TMC5: variants seen among roughly 807,000 people sequenced by gnomAD.
TMC5 encodes transmembrane channel-like protein 5.
A neutral mutation model predicts 110.5 loss-of-function variants in TMC5; 86 were observed. The observed-to-expected ratio is 0.78, with a 90% CI of 0.65 to 0.93. The LOEUF (loss-of-function observed/expected upper bound fraction) is 0.93, where lower values mean the gene tolerates loss of function less well. Ranked by LOEUF, TMC5 falls within the 40% of genes least tolerant of loss-of-function variation. The pLI, the probability that TMC5 is intolerant of heterozygous loss-of-function variation, is 0.00. For missense variants in TMC5, 1,144 were observed against 1,222.8 expected (o/e 0.94, Z 0.96); for synonymous variants, 455 against 439.5 (o/e 1.04, Z -0.44).
intron 3 of TMC5, 40 bp downstream of exon 3, chr16:19,440,866 T>C (rs1244793433): frequency 6.4e-7 from 1 of 1,571,726 alleles, no homozygotes; most frequent in Admixed American, 1.8e-5. Context: ...GAGTGGATGC[T>C]GAGTGCTGAA....
intron 12 of TMC5, among the ~76,000 whole-genome samples, chr16:19,474,542 G>A (rs1168991227): frequency 6.6e-6 from 1 of 152,022 alleles, no homozygotes; most frequent in East Asian, 1.9e-4. Flanking sequence ...TGGATGCAGT[G>A]GCATGCACCT....
chr16:19,466,942 C>A (rs1377006732), intron 9 of TMC5, among the ~76,000 whole-genome samples: 1 of 152,042 alleles, frequency 6.6e-6, no homozygotes, highest in South Asian at 2.1e-4. Flanking sequence ...TCCAGGAGTT[C>A]GAGACTGGAC....
intron 18 of TMC5, among the ~76,000 whole-genome samples, chr16:19,490,888 TCTTTCTCCCTTCCCCTCCCTTCCCTTCC>T (rs1308200155): frequency 1.4e-4 from 18 of 128,396 alleles, no homozygotes; most frequent in South Asian, 5.4e-4. Flanking sequence ...CTTCCTTCCT[TCTTTCTCCCTTCCCCTCCCTTCCCTTCC>T]CCTTCTTTCT....
chr16:19,415,562 A>G (rs1966872634), upstream of TMC5, among the ~76,000 whole-genome samples: 1 of 152,170 alleles, frequency 6.6e-6, no homozygotes, highest in Non-Finnish European at 1.5e-5. Flanking sequence ...CAGTACTGCC[A>G]AGGTTGAGAA....
rs1158209907 is a variant in TMC5, at chr16:19,479,504, C to G, written c.2243C>G (p.Ser748Cys). The G allele has an allele frequency of 6.2e-7, 1 of 1,613,814 alleles. No homozygotes were observed. The highest frequency in any genetic ancestry group is 8.5e-7 in the Non-Finnish European group (1 of 1,179,754). ...GATTTTGTGTTCTCTTTAGTCAATT[C>G]CTTCCTGGGGGAGTTTCTGAGGAGG... The part of the protein sequence containing the change: ...LMDFVFSLVN[S>C]FLGEFLRRII... The change falls in exon 14 of 22, where the codon TCC (serine) becomes TGC (cysteine). Residue 748 changes from serine to cysteine, a missense_variant. Transcript: ENST00000542583.
chr16:19,414,087 A>T (rs1194165529), upstream of TMC5, among the ~76,000 whole-genome samples: 2 of 152,210 alleles, frequency 1.3e-5, no homozygotes, highest in Non-Finnish European at 2.9e-5. Flanking sequence ...AATGACATAG[A>T]ACTATCCTTC....
At chr16:19,449,151 A>G (rs1336578785) in intron 4 of TMC5, among the ~76,000 whole-genome samples, 1 of 152,086 alleles carries the variant, frequency 6.6e-6, no homozygotes, top group South Asian at 2.1e-4. Flanking sequence ...GTGCCCGGCC[A>G]CATATACATA....
intron 14 of TMC5, among the ~76,000 whole-genome samples, chr16:19,480,753 C>A (rs1026782747): frequency 2.1e-5 from 3 of 144,894 alleles, no homozygotes; most frequent in Non-Finnish European, 1.5e-5. Flanking sequence ...TGCAGTGAGC[C>A]GAGAGGGCGA....
Position 19,490,405 on chromosome 16 carries a change from TC to T in TMC5, c.2585del (p.Ser862Ter). On this transcript the variant is annotated frameshift_variant, in exon 18 of 22. Coordinates refer to ENST00000542583, the MANE Select transcript of TMC5 (RefSeq NM_001261841.2). LOFTEE classifies it high-confidence loss of function. Reference protein sequence around the residue: ...LAITIWRLKPSADCGPFRGLP... With the variant: ...LAITIWRLKPXADCGPFRGLP... ...TCTTTGTTTTACCAGATTGAAGCCTTCAGCTGACTGTGGCCCTTTTCGAGGT... is the reference window on the plus strand; with the variant it reads ...TCTTTGTTTTACCAGATTGAAGCCTTAGCTGACTGTGGCCCTTTTCGAGGT... The T allele has an allele frequency of 6.2e-7, 1 of 1,614,148 alleles. No individual in the cohort carries two copies. Among genetic ancestry groups the T allele is most frequent in the South Asian group, 1.1e-5 (1 of 91,082 alleles).
chr16:19,492,160 T>C lies in TMC5; in HGVS notation c.2758T>C (p.Tyr920His). 6.2e-7 allele frequency: 1 copy of C among 1,612,386 alleles called. No individual in the cohort carries two copies. Among genetic ancestry groups the C allele is most frequent in the Non-Finnish European group, 8.5e-7 (1 of 1,178,680 alleles). Residue 920 changes from tyrosine (Y) to histidine (H), a missense_variant, in exon 19 of 22, where the codon TAT becomes CAT. Coordinates refer to ENST00000542583, the MANE Select transcript of TMC5 (RefSeq NM_001261841.2). ...TTTCTCCTCTTCCAGAATCATCACC[T>C]ATCTTTACTGGCAGATCACAGAGGG... is the stretch of plus-strand genomic sequence containing the variant. ...ILTLIVLIIT[Y>H]LYWQITEGRK...
At chr16:19,429,921 T>G (rs1967162119) in intron 1 of TMC5, among the ~76,000 whole-genome samples, 1 of 152,048 alleles carries the variant, frequency 6.6e-6, no homozygotes, top group African/African-American at 2.4e-5. Context: ...CCAGTGAACT[T>G]ATTTTAACTT....
At chr16:19,428,814 C>CT (rs1222568050) in intron 1 of TMC5, among the ~76,000 whole-genome samples, 2 of 151,822 alleles carry the variant, frequency 1.3e-5, no homozygotes, top group Non-Finnish European at 2.9e-5. Context: ...TTATATTTTC[C>CT]TTTTTTGTTT....
intron 1 of TMC5, among the ~76,000 whole-genome samples, chr16:19,422,416 G>T (rs1168243707): frequency 6.6e-6 from 1 of 152,152 alleles, no homozygotes; most frequent in Non-Finnish European, 1.5e-5. Flanking sequence ...CACTTTCCAG[G>T]TGTCTCCGTT....
At chr16:19,481,258 C>A in intron 14 of TMC5, 112 bp from the exon 15 acceptor site, 1 of 781,324 alleles carries the variant, frequency 1.3e-6, no homozygotes, top group Non-Finnish European at 2.2e-6. Flanking sequence ...AGGGAACTTA[C>A]GACTTTATTT....
rs764397430 is a variant in TMC5, at chr16:19,463,971, G to A, written c.1432G>A (p.Val478Met). 34 of 1,613,908 alleles carry A rather than the reference G, an allele frequency of 2.1e-5. 1 individual carries two copies. Among genetic ancestry groups the A allele is most frequent in the South Asian group, 1.8e-4 (16 of 91,078 alleles). ...FSFIIIPQFT[V>M]AKKNTLQFTG... Reference sequence around the variant, plus strand: ...CTTCATCATAATCCCTCAGTTTACCGTGGCCAAAAAGAACACCCTCCAGTT... The same window carrying A: ...CTTCATCATAATCCCTCAGTTTACCATGGCCAAAAAGAACACCCTCCAGTT... The change falls in exon 8 of 22, where the codon GTG becomes ATG. Residue 478 changes from valine to methionine, a missense_variant. Transcript: ENST00000542583.
At chr16:19,457,100 T>C (rs191344275) in intron 5 of TMC5, 4 of 1,225,972 alleles carry the variant, frequency 3.3e-6, no homozygotes, top group African/African-American at 1.5e-5. Context: ...TTTTTAGATA[T>C]CAAGTGGGGC....
intron 6 of TMC5, among the ~76,000 whole-genome samples, chr16:19,461,188 G>A (rs558591293): frequency 1.4e-4 from 22 of 152,240 alleles, no homozygotes; most frequent in African/African-American, 3.6e-4. Flanking sequence ...AAATATTAAC[G>A]GGGAAACTAG....
In TMC5 at chr16:19,490,582, C is replaced by G; in HGVS notation, c.2747+14C>G. 1 of 1,613,794 alleles carries G rather than the reference C, an allele frequency of 6.2e-7. No individual in the cohort carries two copies. The highest frequency in any genetic ancestry group is 8.5e-7 in the Non-Finnish European group (1 of 1,179,834). On this transcript the variant is annotated intron_variant, in intron 18 of 21. Transcript: ENST00000542583. ...CCTCATTGTGCTGTGAGTGTGGTAC[C>G]CGGGGAATCTAGCAGGGAAAGCCAG...
chr16:19,465,297 G>A (rs1361021521), intron 8 of TMC5, among the ~76,000 whole-genome samples: 1 of 152,044 alleles, frequency 6.6e-6, no homozygotes, highest in Non-Finnish European at 1.5e-5. Flanking sequence ...ACTTTGGGAG[G>A]CCGAGGCGGG....
Sources: allele counts gnomAD v4.1 joint callset (sites outside exome capture counted in the v4.1 genomes callset), GRCh38; gene constraint gnomAD v4.1.1; transcripts MANE v1.5; gene names NCBI Gene and HGNC (gene_info 2026-07-23, HGNC 2026-07-21).